Variants in CD109 observed in about 807,000 individuals in gnomAD.
The protein encoded by CD109 is CD109 antigen.
CD109 carries 149 observed loss-of-function variants against 165.8 expected under a neutral mutation model. That is an observed-to-expected ratio of 0.90 (90% CI 0.79 to 1.03). CD109 has a LOEUF of 1.03. Among genes scored for constraint, CD109 ranks in the 50% least tolerant of loss-of-function variants. The pLI is 0.00. For synonymous variants in CD109, 585 were observed against 592.1 expected, an observed-to-expected ratio of 0.99 and a Z score of 0.18; for missense variants, 1,712 against 1,677.8, an observed-to-expected ratio of 1.02 and a Z score of -0.36.
At chr6:73,771,380 A>G in intron 14 of CD109, 49 bp from the exon 15 acceptor site, 1 of 1,508,892 alleles carries the variant, frequency 6.6e-7, no homozygotes, top group Non-Finnish European at 9.0e-7. Flanking sequence ...TGGCAAGAAT[A>G]TGCTTTAAAA....
upstream of CD109, chr6:73,695,687 CGTGTGCGTGCGTGTGT>C (rs1331551151): frequency 6.5e-6 from 1 of 153,344 alleles, no homozygotes. Context: ...GTTTTGCGCG[CGTGTGCGTGCGTGTGT>C]GTGTGCGTGT....
chr6:73,780,414 T>G lies in CD109; in HGVS notation c.1828-10T>G. On this transcript the variant is annotated splice_polypyrimidine_tract_variant and intron_variant, in intron 15 of 32. Coordinates refer to ENST00000287097, the MANE Select transcript of CD109 (RefSeq NM_133493.5). ...ATCCATTCATTCCGTATATTTTATCTTCTCCTTAGGTGGTCCATGAGTTGG... is the reference window on the plus strand; with the variant it reads ...ATCCATTCATTCCGTATATTTTATCGTCTCCTTAGGTGGTCCATGAGTTGG... 1 of 1,537,042 alleles carries G rather than the reference T, an allele frequency of 6.5e-7. No homozygotes were observed. The highest frequency in any genetic ancestry group is 1.4e-5 in the African/African-American group (1 of 73,430).
intron 2 of CD109, among the ~76,000 whole-genome samples, chr6:73,721,616 G>T (rs536354883): frequency 6.6e-6 from 1 of 152,010 alleles, no homozygotes; most frequent in African/African-American, 2.4e-5. Flanking sequence ...CACCCGCCTC[G>T]GCCTCCCAAA....
chr6:73,754,805 A>T (rs766088332), intron 5 of CD109, among the ~76,000 whole-genome samples: 6 of 152,226 alleles, frequency 3.9e-5, no homozygotes, highest in Non-Finnish European at 7.3e-5. Flanking sequence ...AAGTACATAT[A>T]AGTCAAGAAT....
chr6:73,712,725 G>A (rs1276356122), intron 2 of CD109, among the ~76,000 whole-genome samples: 1 of 152,182 alleles, frequency 6.6e-6, no homozygotes, highest in Non-Finnish European at 1.5e-5. Flanking sequence ...TGCCAAATGC[G>A]AAGCCTTCAA....
Position 73,696,249 on chromosome 6 carries a change from C to T in CD109, c.34C>T (p.Leu12Phe). Reference sequence around the variant, plus strand: ...CCCACCGCTCCTGACCGCCGCCCACCTCCTCTGCGTGTGCACCGCCGCGCT... The same window carrying T: ...CCCACCGCTCCTGACCGCCGCCCACTTCCTCTGCGTGTGCACCGCCGCGCT... ...QGPPLLTAAH[L>F]LCVCTAALAV... Residue 12 changes from leucine (L) to phenylalanine (F), a missense_variant, in exon 1 of 33, where the codon CTC becomes TTC. Leu to Phe is a conservative substitution (Grantham distance 22). Transcript: ENST00000287097. 4.5e-6 allele frequency: 7 copies of T among 1,541,992 alleles called. No individual in the cohort carries two copies. The highest frequency in any genetic ancestry group is 2.8e-5 in the African/African-American group (2 of 72,600).
At chr6:73,706,502 C>T (rs1771270987) in intron 2 of CD109, among the ~76,000 whole-genome samples, 1 of 152,176 alleles carries the variant, frequency 6.6e-6, no homozygotes, top group Non-Finnish European at 1.5e-5. Context: ...GTAATTCACT[C>T]TTAGTGTGGG....
the CD109 span, among the ~76,000 whole-genome samples, chr6:73,680,934 T>G: frequency 1.3e-5 from 2 of 152,222 alleles, no homozygotes; most frequent in African/African-American, 4.8e-5. Flanking sequence ...GTCTTCATTT[T>G]ACATCTCCTT....
intron 2 of CD109, among the ~76,000 whole-genome samples, chr6:73,714,997 G>A (rs746310709): frequency 6.6e-6 from 1 of 152,198 alleles, no homozygotes; most frequent in Non-Finnish European, 1.5e-5. Context: ...AGTGGCTCAC[G>A]CCTGTAATCC....
intron 7 of CD109, among the ~76,000 whole-genome samples, chr6:73,760,106 T>C (rs143540324): frequency 6.6e-6 from 1 of 151,964 alleles, no homozygotes; most frequent in Non-Finnish European, 1.5e-5. Context: ...CCAGGAAATG[T>C]ACTTAAAAAA....
intron 15 of CD109, among the ~76,000 whole-genome samples, chr6:73,774,324 T>C (rs1434125887): frequency 2.0e-5 from 3 of 152,222 alleles, no homozygotes; most frequent in African/African-American, 7.2e-5. Flanking sequence ...GTGTAAGTCC[T>C]ATGACCCCTT....
At chr6:73,779,557 C>T (rs997160346) in intron 15 of CD109, among the ~76,000 whole-genome samples, 13 of 152,102 alleles carry the variant, frequency 8.5e-5, no homozygotes, top group Non-Finnish European at 1.3e-4. Context: ...CTCAGAGCTT[C>T]ATTTCTTTTT....
At chr6:73,700,780 A>T (rs1771037428) in intron 2 of CD109, among the ~76,000 whole-genome samples, 8 of 106,196 alleles carry the variant, frequency 7.5e-5, no homozygotes, top group East Asian at 3.1e-4. Flanking sequence ...TTTATTGGGG[A>T]TTGATTGTAG....
intron 5 of CD109, among the ~76,000 whole-genome samples, chr6:73,744,019 C>T (rs1312836084): frequency 4.6e-5 from 7 of 152,146 alleles, no homozygotes; most frequent in South Asian, 4.1e-4. Flanking sequence ...ATCAGTGTAG[C>T]GTTATTTTCG....
chr6:73,790,997 C>T (rs1366369652), intron 22 of CD109, among the ~76,000 whole-genome samples: 2 of 151,484 alleles, frequency 1.3e-5, no homozygotes, highest in Non-Finnish European at 2.9e-5. Context: ...TTTGTTAGGT[C>T]TTTAAGGTGT....
chr6:73,750,978 T>C (rs192464909), intron 5 of CD109, among the ~76,000 whole-genome samples: 2 of 152,266 alleles, frequency 1.3e-5, no homozygotes, highest in Admixed American at 1.3e-4. Flanking sequence ...ATTCAGTAAT[T>C]AATATGTCCA....
At chr6:73,812,389 A>G (rs1267351486) in intron 29 of CD109, 119 bp downstream of exon 29, 1 of 661,372 alleles carries the variant, frequency 1.5e-6, no homozygotes, top group Non-Finnish European at 2.5e-6. Context: ...TACATCTGTG[A>G]CTTAAGCAAG....
chr6:73,767,151 C>T, intron 13 of CD109, 141 bp downstream of exon 13: 7 of 693,372 alleles, frequency 1.0e-5, no homozygotes, highest in East Asian at 2.7e-5. Flanking sequence ...TATTTCATCA[C>T]CCAGGTATTA....
At chr6:73,816,191 G>A (rs960065525) in intron 30 of CD109, among the ~76,000 whole-genome samples, 16 of 152,008 alleles carry the variant, frequency 1.1e-4, no homozygotes, top group African/African-American at 3.9e-4. Flanking sequence ...CACCTTCTTG[G>A]GCATTTTGGG....
Sources: gnomAD v4.1 joint callset for allele counts (sites outside exome capture counted in the v4.1 genomes callset) on GRCh38, gnomAD v4.1.1 for gene constraint, MANE v1.5 for transcripts, NCBI Gene and HGNC (gene_info 2026-07-23, HGNC 2026-07-21) for gene names.